Variants in SCGN observed in about 807,000 individuals in gnomAD.
SCGN encodes the protein secretagogin, EF-hand calcium binding protein, also known as secretagogin.
Under a neutral mutation model 39.7 loss-of-function variants are expected in SCGN, and 30 were observed. The ratio of observed to expected loss-of-function variants is 0.76; its 90% CI spans 0.57 to 1.03. The LOEUF is 1.03. SCGN is among the 50% of genes least tolerant of loss of function. SCGN has a pLI of 0.00. For synonymous variants in SCGN, 106 were observed against 114.1 expected (o/e 0.93, Z 0.45); for missense variants, 353 against 349.4 (o/e 1.01, Z -0.08).
At chr6:25,699,163 A>C (rs1759875576) in intron 10 of SCGN, among the ~76,000 whole-genome samples, 2 of 152,228 alleles carry the variant, frequency 1.3e-5, no homozygotes, top group South Asian at 4.1e-4. Flanking sequence ...CTACTCCAGT[A>C]ATCAAGGGGC....
At chr6:25,653,323 A>G in intron 1 of SCGN, 59 bp from the exon 2 acceptor site, 2 of 1,145,074 alleles carry the variant, frequency 1.7e-6, no homozygotes, top group Non-Finnish European at 2.6e-6. Context: ...TATTTAGATA[A>G]ATACTGTCAT....
intron 6 of SCGN, among the ~76,000 whole-genome samples, chr6:25,676,847 A>G (rs1759569393): frequency 6.6e-6 from 1 of 152,238 alleles, no homozygotes; most frequent in Non-Finnish European, 1.5e-5. Context: ...TAAATAGAAC[A>G]GTGCCTGCCA....
chr6:25,673,621 C>T (rs1231848047), intron 6 of SCGN, among the ~76,000 whole-genome samples: 1 of 152,138 alleles, frequency 6.6e-6, no homozygotes, highest in Non-Finnish European at 1.5e-5. Flanking sequence ...TGTCCATTGG[C>T]CAAGATGGTC....
intron 2 of SCGN, among the ~76,000 whole-genome samples, chr6:25,659,871 C>A (rs1017187020): frequency 6.6e-6 from 1 of 151,934 alleles, no homozygotes; most frequent in African/African-American, 2.4e-5. Context: ...TTGCCATATG[C>A]AAGAGGTCAA....
intron 9 of SCGN, among the ~76,000 whole-genome samples, chr6:25,690,190 A>G (rs1326449777): frequency 6.6e-6 from 1 of 152,174 alleles, no homozygotes. Context: ...TTCTGTGACC[A>G]ATTACCTAGG....
chr6:25,654,102 A>G (rs1760183526), intron 2 of SCGN, among the ~76,000 whole-genome samples: 1 of 152,194 alleles, frequency 6.6e-6, no homozygotes, highest in Non-Finnish European at 1.5e-5. Flanking sequence ...TGAGCGGAGG[A>G]CAGCCTGGGG....
chr6:25,665,693 CT>C (rs1280936469), intron 4 of SCGN, among the ~76,000 whole-genome samples: 1 of 152,208 alleles, frequency 6.6e-6, no homozygotes, highest in Non-Finnish European at 1.5e-5. Context: ...AAGACAGCCA[CT>C]GTATCCGGGA....
chr6:25,698,120 TGTC>T (rs1195524487), intron 10 of SCGN, among the ~76,000 whole-genome samples: 1 of 152,232 alleles, frequency 6.6e-6, no homozygotes, highest in Non-Finnish European at 1.5e-5. Flanking sequence ...TCTGGTGATT[TGTC>T]TTCAGTGACA....
chr6:25,701,144 G>A (rs1759906465), intron 10 of SCGN, 63 bp from the exon 11 acceptor site: 10 of 1,540,072 alleles, frequency 6.5e-6, no homozygotes. Context: ...GCATCAGAGA[G>A]GGTGTTAAAG....
At chr6:25,691,557 A>T (rs1182114128) in intron 10 of SCGN, among the ~76,000 whole-genome samples, 3 of 151,928 alleles carry the variant, frequency 2.0e-5, no homozygotes, top group Non-Finnish European at 4.4e-5. Flanking sequence ...CTAGCCTAAG[A>T]TGGTTATTTA....
At position 25,664,983 on chromosome 6, in the gene SCGN, T is replaced by C. The variant is rs1760401568; in HGVS notation, c.287T>C (p.Leu96Pro). Residue 96 changes from leucine to proline, a missense_variant, in exon 4 of 11, where the codon CTG becomes CCG. Transcript: ENST00000377961. ...TTATCTGAGGATGAAAACTTTCTTC[T>C]GCTCTTTCGCCGGGAAAACCCACTG... is the stretch of plus-strand genomic sequence containing the variant. ...MFLSEDENFL[L>P]LFRRENPLDS... The C allele has an allele frequency of 6.2e-7, 1 of 1,613,970 alleles. No homozygotes were observed. Among genetic ancestry groups the C allele is most frequent in the Admixed American group, 1.7e-5 (1 of 60,002 alleles).
chr6:25,653,917 A>G (rs1195425154), intron 2 of SCGN, among the ~76,000 whole-genome samples: 1 of 152,234 alleles, frequency 6.6e-6, no homozygotes, highest in Non-Finnish European at 1.5e-5. Context: ...AGAAGAGGTT[A>G]CAGATTTTTC....
intron 4 of SCGN, 35 bp downstream of exon 4, chr6:25,665,067 G>A (rs750911424): frequency 1.3e-6 from 2 of 1,516,714 alleles, no homozygotes; most frequent in South Asian, 2.3e-5. Flanking sequence ...GAAGAAAGAG[G>A]ACTGAGACAA....
chr6:25,665,195 C>T (rs537953011), intron 4 of SCGN, among the ~76,000 whole-genome samples, 163 bp downstream of exon 4: 1 of 152,188 alleles, frequency 6.6e-6, no homozygotes, highest in East Asian at 1.9e-4. Flanking sequence ...GACTTTGGTC[C>T]CAAACCCCAG....
At chr6:25,666,213 G>A (rs1029270353) in intron 4 of SCGN, among the ~76,000 whole-genome samples, 1 of 151,350 alleles carries the variant, frequency 6.6e-6, no homozygotes, top group Non-Finnish European at 1.5e-5. Flanking sequence ...AAAACTAGCC[G>A]GGCATGGTGG....
intron 8 of SCGN, 128 bp downstream of exon 8, chr6:25,689,345 C>A: frequency 8.7e-7 from 1 of 1,150,630 alleles, no homozygotes. Flanking sequence ...AGACAAGGAT[C>A]AGCATGGAAT....
At chr6:25,676,951 C>T (rs1759571357) in intron 6 of SCGN, among the ~76,000 whole-genome samples, 5 of 152,290 alleles carry the variant, frequency 3.3e-5, no homozygotes, top group Admixed American at 2.6e-4. Context: ...TCTACAAAAG[C>T]TTAAACTCCT....
At chr6:25,690,988 C>A in intron 9 of SCGN, 68 bp from the exon 10 acceptor site, 1 of 1,215,184 alleles carries the variant, frequency 8.2e-7, no homozygotes, top group Non-Finnish European at 1.2e-6. Context: ...GTTTATTTAC[C>A]TAAGTTATTG....
chr6:25,653,624 A>T lies in SCGN; in HGVS notation c.153+172A>T, dbSNP rs183531194. ...GAGGGATTTAGGCAGTTTTTATAAAAGGTGCAACTGTAGCATTAGACATGC... is the reference window on the plus strand; with the variant it reads ...GAGGGATTTAGGCAGTTTTTATAAATGGTGCAACTGTAGCATTAGACATGC... On this transcript the variant is annotated intron_variant, in intron 2 of 10. Transcript: ENST00000377961. Among the ~76,000 whole-genome samples, 6 of 152,336 alleles carry T rather than the reference A, an allele frequency of 3.9e-5. No individual in the cohort carries two copies. In the East Asian group the frequency reaches 1.2e-3, roughly 29 times the overall value.
Sources: gnomAD v4.1 joint callset for allele counts (sites outside exome capture counted in the v4.1 genomes callset) on GRCh38, gnomAD v4.1.1 for gene constraint, MANE v1.5 for transcripts, NCBI Gene and HGNC (gene_info 2026-07-23, HGNC 2026-07-21) for gene names.